The following DENND1B variants were observed in gnomAD, a reference collection of about 807,000 sequenced individuals.
The protein encoded by DENND1B is DENN domain containing 1B.
DENND1B carries 59 observed loss-of-function variants against 90.1 expected under a neutral mutation model. That is an observed-to-expected ratio of 0.65 (90% CI 0.53 to 0.81). The LOEUF is 0.81. Ranked by LOEUF, DENND1B falls within the 40% of genes least tolerant of loss-of-function variation. The pLI, the probability that DENND1B is intolerant of heterozygous loss-of-function variation, is 0.00. For synonymous variants in DENND1B, 337 were observed against 324.6 expected (o/e 1.04, Z -0.41); for missense variants, 862 against 912.6 (o/e 0.94, Z 0.71).
At chr1:197,760,345 G>C (rs1333508230) in intron 2 of DENND1B, among the ~76,000 whole-genome samples, 2 of 152,084 alleles carry the variant, frequency 1.3e-5, no homozygotes, top group African/African-American at 4.8e-5. Flanking sequence ...CAATTACTGA[G>C]AGAAATGAAT....
intron 2 of DENND1B, among the ~76,000 whole-genome samples, chr1:197,770,806 AT>A (rs1656460386): frequency 7.2e-6 from 1 of 138,032 alleles, no homozygotes; most frequent in African/African-American, 2.8e-5. Context: ...ATAAATATAT[AT>A]ATAAATATAT....
At chr1:197,641,319 AAAG>A (rs1395521325) in intron 10 of DENND1B, among the ~76,000 whole-genome samples, 2 of 152,166 alleles carry the variant, frequency 1.3e-5, no homozygotes, top group Non-Finnish European at 2.9e-5. Flanking sequence ...AGCTGGGGAG[AAAG>A]AAGAAGAATG....
chr1:197,581,858 T>G (rs1456685322), intron 15 of DENND1B, among the ~76,000 whole-genome samples: 1 of 152,196 alleles, frequency 6.6e-6, no homozygotes, highest in Non-Finnish European at 1.5e-5. Flanking sequence ...TGCCTCTTCT[T>G]GATAGAGAAA....
chr1:197,540,632 T>A (rs1251715357), intron 19 of DENND1B, among the ~76,000 whole-genome samples: 1 of 152,178 alleles, frequency 6.6e-6, no homozygotes, highest in Non-Finnish European at 1.5e-5. Context: ...ACAAAAGATA[T>A]CTTTTAAAAA....
rs553340379 is a variant in DENND1B at position 197,560,470 on chromosome 1, T to C, written c.1150-7358A>G. Among the ~76,000 whole-genome samples the C allele has an allele frequency of 2.6e-5, 4 of 152,018 alleles. No homozygotes were observed. In the East Asian group the frequency reaches 7.8e-4, roughly 30 times the overall value. ...ACTTCCTAAGGGAAGTTAGGAAATC[T>C]AGGGCAAGGAACTTTCTATTTTAAA... On this transcript the variant is annotated intron_variant, in intron 15 of 22. Coordinates refer to ENST00000620048, the MANE Select transcript of DENND1B (RefSeq NM_001195215.2).
chr1:197,707,962 G>C (rs562285355), intron 3 of DENND1B, among the ~76,000 whole-genome samples: 1 of 152,044 alleles, frequency 6.6e-6, no homozygotes, highest in African/African-American at 2.4e-5. Context: ...AAAGAAAGGG[G>C]TGACGGCCGC....
At chr1:197,658,981 C>A (rs1466276791) in intron 5 of DENND1B, among the ~76,000 whole-genome samples, 2 of 150,306 alleles carry the variant, frequency 1.3e-5, no homozygotes, top group Non-Finnish European at 3.0e-5. Context: ...AATATTAAAT[C>A]CAAAAATCAT....
chr1:197,727,258 G>A (rs887922080), intron 2 of DENND1B, among the ~76,000 whole-genome samples: 28 of 152,086 alleles, frequency 1.8e-4, no homozygotes, highest in Non-Finnish European at 2.2e-4. Flanking sequence ...AATTAGCGCC[G>A]GGCGCAGTGG....
At chr1:197,719,837 T>C (rs1425668513) in intron 2 of DENND1B, among the ~76,000 whole-genome samples, 1 of 152,188 alleles carries the variant, frequency 6.6e-6, no homozygotes, top group Non-Finnish European at 1.5e-5. Flanking sequence ...TTATACCAAA[T>C]GATACAAATG....
intron 2 of DENND1B, among the ~76,000 whole-genome samples, chr1:197,739,224 C>G (rs1662993279): frequency 6.6e-6 from 1 of 152,218 alleles, no homozygotes. Context: ...AACACCTTAG[C>G]AGTGGGACAA....
At chr1:197,751,909 GAGAAGGAAA>G (rs1657136884) in intron 2 of DENND1B, among the ~76,000 whole-genome samples, 3 of 146,150 alleles carry the variant, frequency 2.1e-5, no homozygotes, top group South Asian at 4.5e-4. Flanking sequence ...AGGAGGAGGG[GAGAAGGAAA>G]AGAAGGAGAA....
intron 14 of DENND1B, 28 bp downstream of exon 14, chr1:197,595,175 CAAATT>C: frequency 6.4e-7 from 1 of 1,572,020 alleles, no homozygotes; most frequent in South Asian, 1.2e-5. Flanking sequence ...CATAAAAAAG[CAAATT>C]AAAACAGTGA....
At chr1:197,675,063 T>G (rs1655916216) in intron 3 of DENND1B, among the ~76,000 whole-genome samples, 1 of 152,106 alleles carries the variant, frequency 6.6e-6, no homozygotes. Context: ...AAGTTAAACT[T>G]TAAACTTGAA....
chr1:197,704,227 G>A (rs927989723), intron 3 of DENND1B, among the ~76,000 whole-genome samples: 3 of 152,174 alleles, frequency 2.0e-5, no homozygotes, highest in African/African-American at 7.2e-5. Context: ...CTGCACTCCA[G>A]CCTGTGCAAC....
intron 15 of DENND1B, among the ~76,000 whole-genome samples, chr1:197,579,460 G>T (rs1571951959): frequency 6.6e-6 from 1 of 152,050 alleles, no homozygotes; most frequent in East Asian, 1.9e-4. Context: ...TTTGTTTAGT[G>T]TTTTATAGCT....
At chr1:197,656,083 C>A (rs973547717) in intron 6 of DENND1B, among the ~76,000 whole-genome samples, 1 of 151,918 alleles carries the variant, frequency 6.6e-6, no homozygotes, top group African/African-American at 2.4e-5. Flanking sequence ...GACTATGAAG[C>A]GATTGTAAGC....
chr1:197,774,978 C>T (rs980568428), intron 1 of DENND1B, among the ~76,000 whole-genome samples, 161 bp downstream of exon 1: 5 of 152,072 alleles, frequency 3.3e-5, no homozygotes, highest in African/African-American at 1.2e-4. Flanking sequence ...GTCCCGCCGG[C>T]CGGCCAGAGG....
At chr1:197,552,789 A>G in intron 16 of DENND1B, 3 of 1,301,498 alleles carry the variant, frequency 2.3e-6, no homozygotes, top group Non-Finnish European at 2.9e-6. Context: ...TTAAGAGATT[A>G]TCGAGGCCAA....
intron 14 of DENND1B, among the ~76,000 whole-genome samples, chr1:197,583,908 T>C (rs1674467218): frequency 6.6e-6 from 1 of 152,332 alleles, no homozygotes; most frequent in South Asian, 2.1e-4. Context: ...TATTTATTCC[T>C]TTGCATGAAT....
Sources: allele counts gnomAD v4.1 joint callset (sites outside exome capture counted in the v4.1 genomes callset), GRCh38; gene constraint gnomAD v4.1.1; transcripts MANE v1.5; gene names NCBI Gene and HGNC (gene_info 2026-07-23, HGNC 2026-07-21).